Variants in SEC24A observed in about 807,000 individuals in gnomAD.
SEC24A encodes SEC24 homolog A, COPII component.
SEC24A carries 93 observed loss-of-function variants against 129.4 expected under a neutral mutation model. The ratio of observed to expected loss-of-function variants is 0.72; its 90% CI spans 0.61 to 0.85. The LOEUF (loss-of-function observed/expected upper bound fraction) is 0.85. SEC24A is among the 40% of genes least tolerant of loss of function. SEC24A has a pLI of 0.00. For synonymous variants in SEC24A, 460 were observed against 467.3 expected, an observed-to-expected ratio of 0.98 and a Z score of 0.20; for missense variants, 1,264 against 1,307.4, an observed-to-expected ratio of 0.97 and a Z score of 0.51.
At chr5:134,694,652 C>T (rs2150098398) in intron 13 of SEC24A, among the ~76,000 whole-genome samples, 1 of 141,394 alleles carries the variant, frequency 7.1e-6, no homozygotes, top group African/African-American at 2.7e-5. Flanking sequence ...GAGACTCCGT[C>T]TCAAAAAAAA....
intron 12 of SEC24A, chr5:134,692,988 T>G (rs1751707663): frequency 6.7e-7 from 1 of 1,484,552 alleles, no homozygotes; most frequent in Non-Finnish European, 9.1e-7. Context: ...AGAAGCACAT[T>G]AGGTAGGCTG....
chr5:134,675,046 C>G lies in SEC24A; in HGVS notation c.980C>G (p.Thr327Ser). 1 of 1,580,208 alleles carries G rather than the reference C, an allele frequency of 6.3e-7. No individual in the cohort carries two copies. The highest frequency in any genetic ancestry group is 8.6e-7 in the Non-Finnish European group (1 of 1,159,652). ...TACTTTAAAATTATGTATCTGTAGA[C>G]TCCCTTAGGTGCTAATCATTTAACC... ...YPSGPQAFTQ[T>S]PLGANHLTTS... The change falls in exon 6 of 23, where the codon ACT becomes AGT. Residue 327 changes from threonine (T) to serine (S), a missense_variant and splice_region_variant. Coordinates refer to ENST00000398844, the MANE Select transcript of SEC24A (RefSeq NM_021982.3).
chr5:134,723,113 A>C (rs1028399024), intron 21 of SEC24A, among the ~76,000 whole-genome samples: 1 of 152,154 alleles, frequency 6.6e-6, no homozygotes, highest in Non-Finnish European at 1.5e-5. Context: ...AGCCATGATC[A>C]CACCAGTGCA....
At position 134,717,985 on chromosome 5, in the gene SEC24A, A is replaced by G. The variant is rs1185040314; in HGVS notation, c.2866-84A>G. ...CAAGGCCCAGACTTGTAGAGGTAAC[A>G]TTCATTTAATTTTTTGTTGTTGTTT... On this transcript the variant is annotated intron_variant, in intron 19 of 22. Transcript: ENST00000398844. 7.5e-6 allele frequency: 7 copies of G among 927,388 alleles called. No individual in the cohort carries two copies. The African/African-American group carries it at 9.7e-5, about 13-fold the overall frequency. The allele number at this position is 927,388 out of a possible 1,614,324, so 57.4% of individuals were successfully genotyped here. A position where few individuals can be genotyped will look rare whatever the true frequency, so the allele number is the denominator to read the frequency against.
At chr5:134,699,065 G>A (rs1459767504) in intron 15 of SEC24A, among the ~76,000 whole-genome samples, 1 of 151,794 alleles carries the variant, frequency 6.6e-6, no homozygotes, top group Non-Finnish European at 1.5e-5. Flanking sequence ...AGCTGAGACT[G>A]CAGGTGTGAG....
chr5:134,709,834 A>T (rs1429152611), intron 18 of SEC24A, among the ~76,000 whole-genome samples: 1 of 151,200 alleles, frequency 6.6e-6, no homozygotes, highest in Non-Finnish European at 1.5e-5. Flanking sequence ...GAGACCATAC[A>T]TGTTATTTTA....
chr5:134,707,897 A>G (rs1272282224), intron 17 of SEC24A, among the ~76,000 whole-genome samples: 2 of 152,128 alleles, frequency 1.3e-5, no homozygotes, highest in African/African-American at 2.4e-5. Context: ...AATGATGAAA[A>G]TCTGTCTAAA....
chr5:134,722,806 C>A (rs1338844913), intron 21 of SEC24A, among the ~76,000 whole-genome samples: 1 of 152,104 alleles, frequency 6.6e-6, no homozygotes, highest in East Asian at 1.9e-4. Context: ...CTGCCCCAGA[C>A]CTCCTAAATC....
chr5:134,662,733 G>A (rs559580718), intron 2 of SEC24A, among the ~76,000 whole-genome samples: 87 of 152,210 alleles, frequency 5.7e-4, no homozygotes, highest in Middle Eastern at 3.4e-3. Context: ...TTTCTTTGTG[G>A]AAATCTTCTG....
At chr5:134,724,881 T>A (rs901336287) in intron 22 of SEC24A, 99 bp from the exon 23 acceptor site, 10 of 677,438 alleles carry the variant, frequency 1.5e-5, no homozygotes, top group African/African-American at 3.7e-5. Flanking sequence ...ACTGTTTATA[T>A]AGTAAATGTT....
chr5:134,669,069 CT>C (rs1750764769), intron 3 of SEC24A, among the ~76,000 whole-genome samples: 1 of 150,618 alleles, frequency 6.6e-6, no homozygotes, highest in South Asian at 2.1e-4. Context: ...AAGACTCAGT[CT>C]CAAAAAAAAG....
Position 134,721,078 on chromosome 5 carries a change from T to C in SEC24A, c.3051T>C (p.Ile1017=), listed in dbSNP as rs571521973. 348 of 1,603,128 alleles carry C rather than the reference T, an allele frequency of 2.2e-4. No homozygotes were observed. In the South Asian group the frequency reaches 2.9e-3, roughly 13 times the overall value. Residue 1017 remains isoleucine (I), a synonymous_variant, in exon 21 of 23, where the codon ATT becomes ATC. Coordinates refer to ENST00000398844, the MANE Select transcript of SEC24A (RefSeq NM_021982.3). ...TAGGAGTTCAAAACTATGCATCAAT[T>C]CCACAGCCTATGGTAAGACTCTTTT... The part of the protein sequence containing the change: ...QVLGVQNYAS[I]PQPMTDLPEL...
At chr5:134,688,589 G>A (rs1751528541) in intron 11 of SEC24A, among the ~76,000 whole-genome samples, 1 of 152,098 alleles carries the variant, frequency 6.6e-6, no homozygotes, top group Non-Finnish European at 1.5e-5. Context: ...CATTCAAAAA[G>A]TATTTGAGGA....
chr5:134,648,819 T>G lies in SEC24A; in HGVS notation c.-258T>G, dbSNP rs987799390. On this transcript the variant is annotated 5_prime_UTR_variant, in exon 1 of 23. Transcript: ENST00000398844. ...CAGGGCCTCCCTCCTTCTCTCTAGG[T>G]TTGGCTGCCGCCTTCTAGCCGGGCG... 28 of 342,048 alleles carry G rather than the reference T, an allele frequency of 8.2e-5. No homozygotes were observed. The highest frequency in any genetic ancestry group is 1.3e-4 in the African/African-American group (6 of 46,786). 21.2% of individuals were successfully genotyped at this position (342,048 alleles called of 1,614,324 possible). A position where few individuals can be genotyped will look rare whatever the true frequency, so the allele number is the denominator to read the frequency against.
chr5:134,673,653 T>C (rs1750953494), intron 4 of SEC24A, among the ~76,000 whole-genome samples: 1 of 151,512 alleles, frequency 6.6e-6, no homozygotes. Flanking sequence ...GTGATGGGAT[T>C]TCACTGTGTT....
chr5:134,677,153 G>T (rs554895978), intron 7 of SEC24A, among the ~76,000 whole-genome samples: 29 of 152,182 alleles, frequency 1.9e-4, no homozygotes, highest in African/African-American at 7.0e-4. Context: ...GCCAAGGTGG[G>T]AGAATTGCTT....
intron 13 of SEC24A, among the ~76,000 whole-genome samples, chr5:134,696,420 T>C (rs980230929): frequency 6.6e-6 from 1 of 152,180 alleles, no homozygotes; most frequent in East Asian, 1.9e-4. Context: ...AAAAAATCTT[T>C]ACCAACTATG....
intron 14 of SEC24A, 139 bp from the exon 15 acceptor site, chr5:134,697,760 A>T: frequency 1.1e-6 from 1 of 926,588 alleles, no homozygotes; most frequent in South Asian, 1.7e-5. Flanking sequence ...TCTGTCTCAA[A>T]AAAAGGGAAT....
At chr5:134,698,142 T>C in intron 15 of SEC24A, 85 bp downstream of exon 15, 1 of 1,170,028 alleles carries the variant, frequency 8.5e-7, no homozygotes, top group Non-Finnish European at 1.2e-6. Context: ...CTTATAAGAT[T>C]GCCCTTCTGA....
Sources: allele counts gnomAD v4.1 joint callset (sites outside exome capture counted in the v4.1 genomes callset), GRCh38; gene constraint gnomAD v4.1.1; transcripts MANE v1.5; gene names NCBI Gene and HGNC (gene_info 2026-07-23, HGNC 2026-07-21).